RANBP2: variants seen among roughly 807,000 people sequenced by gnomAD.
RANBP2 encodes RAN binding protein 2.
In RANBP2, 57 loss-of-function variants were observed where a neutral mutation model predicts 303.6. The ratio of observed to expected loss-of-function variants is 0.19; its 90% confidence interval spans 0.15 to 0.23. The LOEUF (loss-of-function observed/expected upper bound fraction) is 0.23, where lower values mean the gene tolerates loss of function less well. RANBP2 is among the 10% of genes least tolerant of loss of function. The pLI is 1.00. For missense variants in RANBP2, 3,138 were observed against 3,780.8 expected (o/e 0.83, Z 4.46); for synonymous variants, 1,167 against 1,301.5 (o/e 0.90, Z 2.23).
chr2:109,021,107 G>A, the RANBP2 span, among the ~76,000 whole-genome samples: 1 of 152,220 alleles, frequency 6.6e-6, no homozygotes, highest in Non-Finnish European at 1.5e-5. Flanking sequence ...TCTTGGGCTG[G>A]AGCTGTGCAG....
At chr2:108,919,321 G>C in the RANBP2 span, among the ~76,000 whole-genome samples, 1 of 152,160 alleles carries the variant, frequency 6.6e-6, no homozygotes, top group East Asian at 1.9e-4. Flanking sequence ...CAGCTGCCAG[G>C]CTATTGCGTT....
At chr2:109,689,032 G>A in the RANBP2 span, among the ~76,000 whole-genome samples, 4 of 151,434 alleles carry the variant, frequency 2.6e-5, no homozygotes, top group South Asian at 2.1e-4. Context: ...TCAGCCTCCC[G>A]AGTAGGTGGG....
the RANBP2 span, among the ~76,000 whole-genome samples, chr2:108,877,674 C>T: frequency 1.3e-5 from 2 of 152,102 alleles, no homozygotes; most frequent in East Asian, 1.9e-4. Context: ...CATTTGGTGT[C>T]TCTGAAGAAA....
At chr2:108,971,919 G>C in the RANBP2 span, among the ~76,000 whole-genome samples, 134,178 of 152,240 alleles carry the variant, frequency 0.88, 60,633 homozygotes, top group Non-Finnish European at 0.97. Context: ...CTGCTGTGCC[G>C]TGGCTGCTGC....
chr2:109,397,395 C>T, the RANBP2 span, among the ~76,000 whole-genome samples: 3 of 152,178 alleles, frequency 2.0e-5, no homozygotes, highest in Non-Finnish European at 4.4e-5. Flanking sequence ...TAGCAATCAT[C>T]CCATGATGAT....
the RANBP2 span, among the ~76,000 whole-genome samples, chr2:109,360,063 CAAA>C: frequency 8.5e-3 from 1,150 of 135,058 alleles, 9 homozygotes; most frequent in East Asian, 0.058. Context: ...TTCCTTGCAC[CAAA>C]AAAAAAAAAA....
the RANBP2 span, among the ~76,000 whole-genome samples, chr2:109,347,211 A>G: frequency 6.6e-6 from 1 of 152,202 alleles, no homozygotes; most frequent in Non-Finnish European, 1.5e-5. Context: ...TCCCTGAGAA[A>G]TAGGAGCCAG....
At chr2:109,736,874 C>A in the RANBP2 span, among the ~76,000 whole-genome samples, 2 of 152,016 alleles carry the variant, frequency 1.3e-5, no homozygotes, top group African/African-American at 4.8e-5. Context: ...CCTCCACACC[C>A]TCAAGTGCCT....
chr2:109,150,314 G>T, the RANBP2 span, among the ~76,000 whole-genome samples: 4 of 152,038 alleles, frequency 2.6e-5, no homozygotes, highest in African/African-American at 7.2e-5. Context: ...AGGGTTGGGG[G>T]AGGGGGCATG....
the RANBP2 span, among the ~76,000 whole-genome samples, chr2:109,467,536 A>G: frequency 6.6e-6 from 1 of 152,226 alleles, no homozygotes; most frequent in African/African-American, 2.4e-5. Flanking sequence ...GGGCAGCGGC[A>G]ATGCACATCG....
chr2:109,414,130 G>T, the RANBP2 span, among the ~76,000 whole-genome samples: 1 of 152,196 alleles, frequency 6.6e-6, no homozygotes, highest in Non-Finnish European at 1.5e-5. Flanking sequence ...CCTCTTCTGG[G>T]TGGTGTCCCG....
chr2:109,723,312 G>A, the RANBP2 span, among the ~76,000 whole-genome samples: 6 of 151,972 alleles, frequency 3.9e-5, no homozygotes, highest in Non-Finnish European at 8.8e-5. Flanking sequence ...CCACACGCCC[G>A]GCTAATTTTT....
At chr2:108,869,935 A>C in the RANBP2 span, among the ~76,000 whole-genome samples, 1 of 152,208 alleles carries the variant, frequency 6.6e-6, no homozygotes, top group Admixed American at 6.5e-5. Context: ...GGAACAAAAT[A>C]AATCTTCAGA....
At chr2:109,615,837 G>C in the RANBP2 span, 2 of 1,614,130 alleles carry the variant, frequency 1.2e-6, no homozygotes, top group Non-Finnish European at 1.7e-6. Flanking sequence ...GGGGTGGGTC[G>C]GAGGCAAAGC....
the RANBP2 span, among the ~76,000 whole-genome samples, chr2:109,589,339 C>T: frequency 0.017 from 2,512 of 152,056 alleles, 82 homozygotes; most frequent in African/African-American, 0.056. Flanking sequence ...TTGAAACCAA[C>T]CTGGCCAGCA....
At chr2:109,101,575 A>C in the RANBP2 span, among the ~76,000 whole-genome samples, 1 of 152,008 alleles carries the variant, frequency 6.6e-6, no homozygotes, top group Non-Finnish European at 1.5e-5. Flanking sequence ...AACAACAAAA[A>C]CCCCATACTG....
the RANBP2 span, among the ~76,000 whole-genome samples, chr2:109,320,862 T>C: frequency 1.3e-5 from 2 of 152,194 alleles, no homozygotes; most frequent in Non-Finnish European, 2.9e-5. Flanking sequence ...CAGACCAAGA[T>C]TCAAATCCCT....
the RANBP2 span, among the ~76,000 whole-genome samples, chr2:109,011,596 T>C: frequency 6.6e-6 from 1 of 152,220 alleles, no homozygotes; most frequent in African/African-American, 2.4e-5. Context: ...GATACCCACC[T>C]TCATTTGCTG....
the RANBP2 span, among the ~76,000 whole-genome samples, chr2:109,212,578 A>G: frequency 6.6e-6 from 1 of 152,216 alleles, no homozygotes; most frequent in Non-Finnish European, 1.5e-5. Context: ...CTTGAGGAGA[A>G]GTCGGCTGAC....
Sources: allele counts gnomAD v4.1 joint callset (sites outside exome capture counted in the v4.1 genomes callset), GRCh38; gene constraint gnomAD v4.1.1; transcripts MANE v1.5; gene names NCBI Gene and HGNC (gene_info 2026-07-23, HGNC 2026-07-21).